Variants in DOCK11 observed in about 807,000 individuals in gnomAD.
DOCK11 encodes dedicator of cytokinesis protein 11.
Under a neutral mutation model 169.1 loss-of-function variants are expected in DOCK11, and 70 were observed. The observed-to-expected ratio is 0.41, with a 90% confidence interval of 0.34 to 0.51. DOCK11 has a LOEUF of 0.51. Among genes scored for constraint, DOCK11 ranks in the 20% least tolerant of loss-of-function variants. DOCK11 has a pLI of 0.10. For missense variants in DOCK11, 1,166 were observed against 1,538.8 expected (o/e 0.76, Z 4.05); for synonymous variants, 529 against 541.3 (o/e 0.98, Z 0.32).
intron 6 of DOCK11, among the ~76,000 whole-genome samples, chrX:118,554,445 G>T (rs1322722660): frequency 9.0e-6 from 1 of 110,890 alleles, no homozygotes. Context: ...AGCTACTCGG[G>T]AGGCTGAGGC....
chrX:118,677,645 T>C (rs1466424158), intron 48 of DOCK11, among the ~76,000 whole-genome samples: 5 of 112,749 alleles, frequency 4.4e-5, no homozygotes, highest in Non-Finnish European at 9.4e-5. Flanking sequence ...GAAAATAATC[T>C]CTTCACTTTG....
chrX:118,607,418 A>ATTTT (rs56374019), intron 24 of DOCK11, among the ~76,000 whole-genome samples: 3 of 51,236 alleles, frequency 5.9e-5, no homozygotes, highest in Non-Finnish European at 1.0e-4. Context: ...CCGGGCCTTC[A>ATTTT]TTTTTTTTTT....
At chrX:118,557,850 A>G (rs1226171782) in intron 6 of DOCK11, among the ~76,000 whole-genome samples, 1 of 106,081 alleles carries the variant, frequency 9.4e-6, no homozygotes, top group Non-Finnish European at 1.9e-5. Flanking sequence ...TTTCTGGGCT[A>G]TGGTGAGGAT....
At chrX:118,538,093 T>C in intron 1 of DOCK11, among the ~76,000 whole-genome samples, 1 of 112,384 alleles carries the variant, frequency 8.9e-6, no homozygotes, top group South Asian at 3.6e-4. Context: ...AAGCTTTCTT[T>C]TTCAATAAAT....
intron 23 of DOCK11, 45 bp from the exon 24 acceptor site, chrX:118,605,193 T>G (rs1396578322): frequency 2.1e-6 from 2 of 971,203 alleles, no homozygotes; most frequent in Admixed American, 3.2e-5. Context: ...GCAAATTTTA[T>G]CATATTTCTG....
chrX:118,673,553 G>A (rs1297645836), intron 46 of DOCK11, among the ~76,000 whole-genome samples: 1 of 111,940 alleles, frequency 8.9e-6, no homozygotes, highest in Non-Finnish European at 1.9e-5. Flanking sequence ...ATCAGAGATA[G>A]CAGCCAAAGT....
At chrX:118,548,635 G>T (rs769432082) in intron 6 of DOCK11, among the ~76,000 whole-genome samples, 4 of 111,184 alleles carry the variant, frequency 3.6e-5, no homozygotes, top group Non-Finnish European at 5.7e-5. Context: ...AGACTCACAG[G>T]CCGAGAAATG....
chrX:118,582,372 C>T (rs763744874), intron 14 of DOCK11, among the ~76,000 whole-genome samples: 2 of 111,823 alleles, frequency 1.8e-5, no homozygotes, highest in African/African-American at 3.2e-5. Flanking sequence ...CTGTGGCATA[C>T]GGTCCCTCTT....
Position 118,683,232 on chromosome X carries a change from G to T in DOCK11, c.6102+15G>T. 1 of 1,188,363 alleles carries T rather than the reference G, an allele frequency of 8.4e-7. No individual in the cohort carries two copies. The highest frequency in any genetic ancestry group is 1.9e-5 in the South Asian group (1 of 51,863). ...TCCATGAGCAGGCAAGTATTAGGGT[G>T]ACTAAAACTGAAAACATGATCTGCG... is the stretch of plus-strand genomic sequence containing the variant. On this transcript the variant is annotated intron_variant, in intron 52 of 52. Coordinates refer to ENST00000276202, the MANE Select transcript of DOCK11 (RefSeq NM_144658.4).
At position 118,614,673 on chromosome X, in the gene DOCK11, T is replaced by G; in HGVS notation, c.3097-19T>G. 9.2e-7 allele frequency: 1 copy of G among 1,083,669 alleles called. No homozygotes were observed. Among genetic ancestry groups the G allele is most frequent in the Non-Finnish European group, 1.3e-6 (1 of 790,362 alleles). The allele number at this position is 1,083,669 out of a possible 1,213,427, so 89.3% of individuals were successfully genotyped here. ...TAGAATTATGTAATTAACCCTTAGTTTTGTTTTGGTTTCTATAGCGCTGTT... is the reference window on the plus strand; with the variant it reads ...TAGAATTATGTAATTAACCCTTAGTGTTGTTTTGGTTTCTATAGCGCTGTT... On this transcript the variant is annotated intron_variant, in intron 28 of 52. Coordinates refer to ENST00000276202, the MANE Select transcript of DOCK11 (RefSeq NM_144658.4).
chrX:118,569,341 C>T (rs1004002360), intron 10 of DOCK11: 1 of 110,791 alleles, frequency 9.0e-6, no homozygotes, highest in African/African-American at 3.3e-5. Context: ...ATCCACCCGC[C>T]TTGGCCTCTC....
At chrX:118,574,228 T>C (rs776174124) in intron 12 of DOCK11, among the ~76,000 whole-genome samples, 1 of 112,097 alleles carries the variant, frequency 8.9e-6, no homozygotes, top group South Asian at 3.7e-4. Flanking sequence ...ACATTTTTAA[T>C]GGGACCATGA....
At chrX:118,639,325 A>G (rs1273611674) in intron 37 of DOCK11, 110 bp from the exon 38 acceptor site, 1 of 746,075 alleles carries the variant, frequency 1.3e-6, no homozygotes, top group Admixed American at 3.5e-5. Context: ...TTAATCCTTG[A>G]GTGTACTACT....
intron 6 of DOCK11, among the ~76,000 whole-genome samples, chrX:118,550,092 G>A (rs1170500607): frequency 8.9e-6 from 1 of 111,820 alleles, no homozygotes; most frequent in Non-Finnish European, 1.9e-5. Context: ...ATCAGAGGAA[G>A]GTTCAGCTAG....
chrX:118,585,168 T>G (rs770043423), intron 16 of DOCK11, 51 bp downstream of exon 16: 3 of 1,063,271 alleles, frequency 2.8e-6, no homozygotes, highest in Non-Finnish European at 3.9e-6. Context: ...AATGTCAGGT[T>G]GTTATCCTTT....
At chrX:118,680,366 A>G (rs1030878522) in intron 48 of DOCK11, 116 bp from the exon 49 acceptor site, 11 of 345,396 alleles carry the variant, frequency 3.2e-5, no homozygotes, top group East Asian at 1.6e-4. Context: ...TATAATGGCA[A>G]TGTTCCTCAC....
Position 118,585,055 on chromosome X carries a change from A to G in DOCK11, c.1733A>G (p.Lys578Arg). The change falls in exon 16 of 53, where the codon AAA becomes AGA. Residue 578 changes from lysine to arginine, a missense_variant. Lys to Arg is a conservative substitution (Grantham distance 26). Coordinates refer to ENST00000276202, the MANE Select transcript of DOCK11 (RefSeq NM_144658.4). ...LSEYKKPEKTKLQIIPGQLNI... is the reference protein window; with the variant it reads ...LSEYKKPEKTRLQIIPGQLNI... ...TTTATACCCAGGCCAGAAAAGACCA[A>G]ACTGCAGATTATTCCTGGGCAGCTA... is the stretch of plus-strand genomic sequence containing the variant. The G allele has an allele frequency of 8.3e-7, 1 of 1,210,217 alleles. No homozygotes were observed. Among genetic ancestry groups the G allele is most frequent in the Non-Finnish European group, 1.1e-6 (1 of 894,129 alleles).
Position 118,663,731 on chromosome X carries a change from G to A in DOCK11, c.5076+939G>A, listed in dbSNP as rs139357653. 5.7e-3 allele frequency among the ~76,000 whole-genome samples: 547 copies of A among 95,647 alleles called. 2 individuals are homozygous for A. Among genetic ancestry groups the A allele is most frequent in the African/African-American group, 0.021 (517 of 25,157 alleles). 83.1% of individuals were successfully genotyped at this position (95,647 alleles called of 115,157 possible). On this transcript the variant is annotated intron_variant, in intron 45 of 52. Coordinates refer to ENST00000276202, the MANE Select transcript of DOCK11 (RefSeq NM_144658.4). The stretch of plus-strand genomic sequence containing the variant: ...CGCTATGTCGCCAGGCTGGAGTGCA[G>A]TGGCGCAATCTTGGTTCACTGCAAC...
chrX:118,617,449 G>A (rs1194715208), intron 30 of DOCK11, among the ~76,000 whole-genome samples: 3 of 108,051 alleles, frequency 2.8e-5, no homozygotes, highest in Non-Finnish European at 5.8e-5. Context: ...CCGAGATTGC[G>A]CCACTGCACT....
Sources: gnomAD v4.1 joint callset for allele counts (sites outside exome capture counted in the v4.1 genomes callset) on GRCh38, gnomAD v4.1.1 for gene constraint, MANE v1.5 for transcripts, NCBI Gene and HGNC (gene_info 2026-07-23, HGNC 2026-07-21) for gene names.